The following MGRN1 variants were observed in gnomAD, a reference collection of about 807,000 sequenced individuals.
MGRN1 encodes the protein E3 ubiquitin-protein ligase MGRN1.
In MGRN1, 29 loss-of-function variants were observed where a neutral mutation model predicts 69.2. That is an observed-to-expected ratio of 0.42 (90% CI 0.31 to 0.57). MGRN1 has a LOEUF of 0.57. Ranked by LOEUF, MGRN1 falls within the 20% of genes least tolerant of loss-of-function variation. The pLI, the probability that MGRN1 is intolerant of heterozygous loss-of-function variation, is 0.15. For missense variants in MGRN1, 998 were observed against 796.2 expected (o/e 1.25, Z -3.05); for synonymous variants, 470 against 344.2 (o/e 1.37, Z -4.04).
intron 5 of MGRN1, 126 bp from the exon 6 acceptor site, chr16:4,664,583 G>T: frequency 1.1e-6 from 1 of 923,980 alleles, no homozygotes; most frequent in Non-Finnish European, 1.7e-6. Context: ...ATCTCGAGGC[G>T]TGTCCTCTGA....
At chr16:4,631,596 G>T (rs1333849874) in intron 1 of MGRN1, among the ~76,000 whole-genome samples, 1 of 152,220 alleles carries the variant, frequency 6.6e-6, no homozygotes, top group African/African-American at 2.4e-5. Context: ...ATCCTGGTCT[G>T]TTCTTAGACC....
chr16:4,683,784 G>A, intron 15 of MGRN1, 59 bp from the exon 16 acceptor site: 2 of 1,499,284 alleles, frequency 1.3e-6, no homozygotes, highest in South Asian at 1.2e-5. Context: ...CCTGCCCAGA[G>A]GGACCTGCCG....
chr16:4,630,808 C>CTT (rs58149708), intron 1 of MGRN1, among the ~76,000 whole-genome samples: 88 of 109,230 alleles, frequency 8.1e-4, no homozygotes, highest in African/African-American at 2.7e-3. Context: ...AGAGTTAATT[C>CTT]TTTTTTTTTT....
At position 4,657,738 on chromosome 16, in the gene MGRN1, C is replaced by CTTTTTTTTTTTTTTTTT. The variant is rs1157518931; in HGVS notation, c.561+386_561+402dup. ...TGTTTAAAATCTTGGTGCAGACATC[C>CTTTTTTTTTTTTTTTTT]TTTTTTTTTTTTTTTTTTTTTTTTT... is the stretch of plus-strand genomic sequence containing the variant. On this transcript the variant is annotated intron_variant, in intron 5 of 16. Transcript: ENST00000262370. Among the ~76,000 whole-genome samples, 19 of 77,048 alleles carry CTTTTTTTTTTTTTTTTT rather than the reference C, an allele frequency of 2.5e-4. 1 individual carries two copies. The highest frequency in any genetic ancestry group is 4.4e-4 in the Non-Finnish European group (18 of 40,552). The allele number at this position is 77,048 out of a possible 152,430, so 50.5% of individuals were successfully genotyped here. A position where few individuals can be genotyped will look rare whatever the true frequency, so the allele number is the denominator to read the frequency against.
At chr16:4,678,941 A>G (rs888294232) in intron 11 of MGRN1, among the ~76,000 whole-genome samples, 8 of 152,262 alleles carry the variant, frequency 5.3e-5, no homozygotes, top group African/African-American at 1.7e-4. Context: ...AATGGGGTCA[A>G]TGTTTAAAAG....
intron 2 of MGRN1, chr16:4,650,729 A>ATG (rs1567191523): frequency 5.2e-6 from 2 of 381,306 alleles, no homozygotes; most frequent in Non-Finnish European, 9.3e-6. Context: ...GCCATACTGA[A>ATG]TGGGTGCGTC....
At chr16:4,664,557 A>G (rs2078755053) in intron 5 of MGRN1, 152 bp from the exon 6 acceptor site, 4 of 730,270 alleles carry the variant, frequency 5.5e-6, no homozygotes, top group South Asian at 3.4e-5. Context: ...CAAGCCTGGC[A>G]TCCGCCTTCC....
chr16:4,673,550 C>T lies in MGRN1; in HGVS notation c.848C>T (p.Ser283Phe). 2 of 1,613,786 alleles carry T rather than the reference C, an allele frequency of 1.2e-6. No individual in the cohort carries two copies. The highest frequency in any genetic ancestry group is 1.7e-6 in the Non-Finnish European group (2 of 1,180,002). The change falls in exon 10 of 17, where the codon TCC becomes TTC. Residue 283 changes from serine (S) to phenylalanine (F), a missense_variant. Transcript: ENST00000262370. ...AGCAACGAGTGTGTGGTGTGCCTGT[C>T]CGACCTGCGGGACACGCTGATCCTG... The part of the protein sequence containing the change: ...DNSNECVVCL[S>F]DLRDTLILPC...
intron 14 of MGRN1, 70 bp from the exon 15 acceptor site, chr16:4,683,154 A>C: frequency 6.3e-7 from 1 of 1,591,210 alleles, no homozygotes; most frequent in African/African-American, 1.3e-5. Flanking sequence ...GCCGTGCCTG[A>C]TGGCGGCTTG....
At position 4,668,303 on chromosome 16, in the gene MGRN1, G is replaced by A; in HGVS notation, c.717G>A (p.Gln239=). 6.2e-7 allele frequency: 1 copy of A among 1,613,964 alleles called. No homozygotes were observed. The highest frequency in any genetic ancestry group is 8.5e-7 in the Non-Finnish European group (1 of 1,179,968). ...DGSFSVKPLK[Q]KQIVDRVSYL... is the part of the protein sequence containing the mutation. ...GCTTCTCTGTGAAGCCTTTAAAGCA[G>A]AAGCAAATTGTAAGTCATCAGAGGA... is the stretch of plus-strand genomic sequence containing the variant. Residue 239 remains glutamine, a synonymous_variant, in exon 8 of 17, where the codon CAG becomes CAA. Transcript: ENST00000262370.
intron 5 of MGRN1, among the ~76,000 whole-genome samples, chr16:4,658,163 C>G (rs1476726711): frequency 4.6e-5 from 7 of 152,136 alleles, no homozygotes; most frequent in South Asian, 2.1e-4. Context: ...CCCTCCTTCC[C>G]CCTTTGCCTT....
At chr16:4,650,139 C>A (rs959198650) in intron 1 of MGRN1, 7 of 433,334 alleles carry the variant, frequency 1.6e-5, no homozygotes, top group African/African-American at 1.4e-4. Context: ...CCCGTCTCCA[C>A]TAAGAATACA....
chr16:4,646,209 T>C (rs148384173), intron 1 of MGRN1, among the ~76,000 whole-genome samples: 2,078 of 152,172 alleles, frequency 0.014, 22 homozygotes, highest in Non-Finnish European at 0.02. Flanking sequence ...GGTGGGAGGA[T>C]TGCTTGTGCC....
chr16:4,660,977 C>T (rs1041764666), intron 5 of MGRN1, among the ~76,000 whole-genome samples: 4 of 152,146 alleles, frequency 2.6e-5, no homozygotes, highest in African/African-American at 9.7e-5. Context: ...TCCCTGCAGC[C>T]TTTTATTTTT....
chr16:4,662,676 C>T (rs545893047), intron 5 of MGRN1, among the ~76,000 whole-genome samples: 177 of 152,242 alleles, frequency 1.2e-3, no homozygotes, highest in Non-Finnish European at 1.5e-3. Flanking sequence ...GGAAAGAAGC[C>T]GAGGCTCGGA....
Position 4,680,393 on chromosome 16 carries a change from T to A in MGRN1, c.1131+296T>A. 7.7e-6 allele frequency: 3 copies of A among 389,480 alleles called. No homozygotes were observed. In the South Asian group the frequency reaches 8.7e-5, roughly 11 times the overall value. 24.1% of individuals were successfully genotyped at this position (389,480 alleles called of 1,614,324 possible). A position where few individuals can be genotyped will look rare whatever the true frequency, so the allele number is the denominator to read the frequency against. ...TTTCTTGCTGGCAGTGGAATGGACG[T>A]TGCAGGCGGAACTAACGTCGCTGCT... On this transcript the variant is annotated intron_variant, in intron 12 of 16. Transcript: ENST00000262370.
chr16:4,680,269 G>T (rs530082085), intron 12 of MGRN1, 172 bp downstream of exon 12: 2 of 661,084 alleles, frequency 3.0e-6, no homozygotes, highest in Admixed American at 6.2e-5. Context: ...AACCGGAAAA[G>T]CTCTCGGTCC....
intron 11 of MGRN1, among the ~76,000 whole-genome samples, chr16:4,679,281 T>C (rs1194362310): frequency 6.6e-6 from 1 of 152,196 alleles, no homozygotes; most frequent in African/African-American, 2.4e-5. Context: ...TGTGTTCTGG[T>C]GGCTGAGGAT....
At chr16:4,678,480 G>A (rs1038700822) in intron 11 of MGRN1, among the ~76,000 whole-genome samples, 1 of 152,104 alleles carries the variant, frequency 6.6e-6, no homozygotes, top group Non-Finnish European at 1.5e-5. Flanking sequence ...AAGATGTGGA[G>A]AGACATAGGG....
Sources: allele counts gnomAD v4.1 joint callset (sites outside exome capture counted in the v4.1 genomes callset), GRCh38; gene constraint gnomAD v4.1.1; transcripts MANE v1.5; gene names NCBI Gene and HGNC (gene_info 2026-07-23, HGNC 2026-07-21).